The following CNGB3 variants were observed in gnomAD, a reference collection of about 807,000 sequenced individuals.
CNGB3 encodes the protein cyclic nucleotide-gated channel beta-3.
CNGB3 carries 86 observed loss-of-function variants against 92.8 expected under a neutral mutation model. The observed-to-expected ratio is 0.93, with a 90% CI of 0.78 to 1.11. The LOEUF (loss-of-function observed/expected upper bound fraction) is 1.11. Ranked by LOEUF, CNGB3 falls within the 50% of genes least tolerant of loss-of-function variation. The pLI, the probability that CNGB3 is intolerant of heterozygous loss-of-function variation, is 0.00. For missense variants in CNGB3, 1,026 were observed against 956.8 expected (o/e 1.07, Z -0.95); for synonymous variants, 333 against 332.7 (o/e 1.00, Z -0.01).
intron 15 of CNGB3, among the ~76,000 whole-genome samples, chr8:86,579,937 G>C (rs527922801): frequency 6.6e-6 from 1 of 152,298 alleles, no homozygotes; most frequent in African/African-American, 2.4e-5. Flanking sequence ...GCCACCTTTT[G>C]TTGGTGTAGT....
At chr8:86,716,585 A>T (rs1285817603) in intron 3 of CNGB3, among the ~76,000 whole-genome samples, 1 of 152,280 alleles carries the variant, frequency 6.6e-6, no homozygotes. Flanking sequence ...TAAACAAAAC[A>T]ATTAGCAGCC....
At chr8:86,667,169 T>C (rs764161286) in intron 5 of CNGB3, 36 bp from the exon 6 acceptor site, 4 of 1,560,714 alleles carry the variant, frequency 2.6e-6, no homozygotes, top group East Asian at 2.2e-5. Flanking sequence ...CCAAATGACA[T>C]AGAACAAACA....
intron 3 of CNGB3, among the ~76,000 whole-genome samples, chr8:86,705,211 G>A (rs954125119): frequency 1.7e-4 from 26 of 152,160 alleles, no homozygotes; most frequent in African/African-American, 6.3e-4. Context: ...TAGTGAACAG[G>A]CAGCTTTCTT....
intron 3 of CNGB3, among the ~76,000 whole-genome samples, chr8:86,682,261 T>C (rs1196732119): frequency 6.6e-6 from 1 of 152,264 alleles, no homozygotes; most frequent in Middle Eastern, 3.4e-3. Flanking sequence ...TAAGAAGTAA[T>C]TCATGCCCAG....
At chr8:86,614,880 A>G (rs911076328) in intron 13 of CNGB3, among the ~76,000 whole-genome samples, 1 of 152,144 alleles carries the variant, frequency 6.6e-6, no homozygotes, top group South Asian at 2.1e-4. Context: ...CCACTCTCCC[A>G]AGACAGAACC....
chr8:86,619,327 G>A (rs1224451416), intron 13 of CNGB3, among the ~76,000 whole-genome samples: 1 of 152,132 alleles, frequency 6.6e-6, no homozygotes, highest in Non-Finnish European at 1.5e-5. Flanking sequence ...CAGAAATGAG[G>A]GGAAATTGCC....
At chr8:86,621,707 G>A (rs1017776075) in intron 13 of CNGB3, among the ~76,000 whole-genome samples, 1 of 151,990 alleles carries the variant, frequency 6.6e-6, no homozygotes, top group Non-Finnish European at 1.5e-5. Flanking sequence ...TCATAGCTTA[G>A]CTCCCACTTA....
chr8:86,613,984 T>G (rs1163431328), intron 13 of CNGB3, among the ~76,000 whole-genome samples: 2 of 148,836 alleles, frequency 1.3e-5, no homozygotes, highest in Non-Finnish European at 3.0e-5. Flanking sequence ...ATTATATACA[T>G]ATAAAATAGA....
chr8:86,648,121 C>T (rs555547373), intron 7 of CNGB3, among the ~76,000 whole-genome samples: 1 of 151,284 alleles, frequency 6.6e-6, no homozygotes, highest in South Asian at 2.1e-4. Flanking sequence ...CATCTGATCT[C>T]TCCTTAGGCG....
At chr8:86,588,987 A>C (rs1370683785) in intron 15 of CNGB3, among the ~76,000 whole-genome samples, 2 of 152,154 alleles carry the variant, frequency 1.3e-5, no homozygotes, top group Non-Finnish European at 2.9e-5. Flanking sequence ...TTTGGTTGTT[A>C]AGCTATTGAA....
At chr8:86,594,098 G>C in intron 15 of CNGB3, 1 of 311,380 alleles carries the variant, frequency 3.2e-6, no homozygotes, top group African/African-American at 2.2e-5. Context: ...TGGAGGTCGG[G>C]ATTGTCCTGA....
chr8:86,710,749 A>G (rs1010739181), intron 3 of CNGB3, among the ~76,000 whole-genome samples: 1 of 152,242 alleles, frequency 6.6e-6, no homozygotes, highest in Non-Finnish European at 1.5e-5. Context: ...AGTATAAAAC[A>G]AAACCCTAAA....
intron 8 of CNGB3, among the ~76,000 whole-genome samples, chr8:86,646,361 G>GA (rs34890679): frequency 4.9e-4 from 73 of 149,606 alleles, no homozygotes; most frequent in African/African-American, 1.7e-3. Context: ...TCAGAGCAGA[G>GA]AAAAAAAAAC....
At chr8:86,600,915 C>T (rs1188895212) in intron 15 of CNGB3, among the ~76,000 whole-genome samples, 3 of 151,458 alleles carry the variant, frequency 2.0e-5, no homozygotes, top group Non-Finnish European at 1.5e-5. Context: ...CAGGCGTGAG[C>T]CACCACGCCC....
chr8:86,580,189 A>AT (rs757009943), intron 15 of CNGB3, among the ~76,000 whole-genome samples: 2 of 24,348 alleles, frequency 8.2e-5, no homozygotes, highest in Admixed American at 5.4e-4. Flanking sequence ...CGAGAATAGC[A>AT]CGGGGGGGGT....
chr8:86,683,919 G>T (rs1563753243), intron 3 of CNGB3, among the ~76,000 whole-genome samples: 1 of 152,132 alleles, frequency 6.6e-6, no homozygotes, highest in Non-Finnish European at 1.5e-5. Flanking sequence ...TGGATCTATG[G>T]CTGGCAAAGA....
chr8:86,575,904 C>G lies in CNGB3; in HGVS notation c.2330G>C (p.Arg777Thr). ...PHSVRRTVLP[R>T]GTSRQSLIIS... is the part of the protein sequence containing the mutation. ...AATGAGTGATTGACGAGAAGTCCCT[C>G]TGGGTAAAACTGTCCTTCTAACTGA... Residue 777 changes from arginine (R) to threonine (T), a missense_variant, in exon 18 of 18, where the codon AGA becomes ACA. Coordinates refer to ENST00000320005, the MANE Select transcript of CNGB3 (RefSeq NM_019098.5). The G allele has an allele frequency of 6.2e-6, 10 of 1,613,388 alleles. No individual in the cohort carries two copies. The highest frequency in any genetic ancestry group is 8.5e-6 in the Non-Finnish European group (10 of 1,179,832).
At chr8:86,718,676 A>G (rs1411472357) in intron 3 of CNGB3, among the ~76,000 whole-genome samples, 2 of 152,116 alleles carry the variant, frequency 1.3e-5, no homozygotes, top group Non-Finnish European at 2.9e-5. Flanking sequence ...TATGAAGCCA[A>G]TAACACTCTA....
intron 3 of CNGB3, among the ~76,000 whole-genome samples, chr8:86,673,591 T>C (rs1473657274): frequency 6.6e-6 from 1 of 152,204 alleles, no homozygotes. Context: ...ACGAAAGGCC[T>C]GAGCAGACAG....
Sources: gnomAD v4.1 joint callset for allele counts (sites outside exome capture counted in the v4.1 genomes callset) on GRCh38, gnomAD v4.1.1 for gene constraint, MANE v1.5 for transcripts, NCBI Gene and HGNC (gene_info 2026-07-23, HGNC 2026-07-21) for gene names.